The following MGAM variants were observed in gnomAD, a reference collection of about 807,000 sequenced individuals.
MGAM encodes alpha-1,4-glucosidase.
Under a neutral mutation model 358.8 loss-of-function variants are expected in MGAM, and 253 were observed. The observed-to-expected ratio is 0.71, with a 90% CI of 0.64 to 0.78. MGAM has a LOEUF of 0.78. Among genes scored for constraint, MGAM ranks in the 30% least tolerant of loss-of-function variants. MGAM has a pLI of 0.00. For missense variants in MGAM, 3,080 were observed against 3,432.6 expected, an observed-to-expected ratio of 0.90 and a Z score of 2.57; for synonymous variants, 1,105 against 1,227.1, an observed-to-expected ratio of 0.90 and a Z score of 2.08.
At chr7:142,041,724 T>C (rs1473648105) in intron 21 of MGAM, among the ~76,000 whole-genome samples, 2 of 149,948 alleles carry the variant, frequency 1.3e-5, no homozygotes, top group Non-Finnish European at 3.0e-5. Flanking sequence ...ATTTGGGCTT[T>C]TGCACTTATC....
At chr7:142,015,073 G>A (rs1554455596) in intron 3 of MGAM, among the ~76,000 whole-genome samples, 1 of 152,056 alleles carries the variant, frequency 6.6e-6, no homozygotes, top group African/African-American at 2.4e-5. Flanking sequence ...GGAATTGACA[G>A]TCTTTTAAAG....
Position 142,020,985 on chromosome 7 carries a change from C to G in MGAM, c.460C>G (p.Arg154Gly). Residue 154 changes from arginine (R) to glycine (G), a missense_variant, in exon 5 of 71, where the codon CGG (arginine) becomes GGG (glycine). By Grantham distance (125) the Arg-to-Gly change is moderately radical. Coordinates refer to ENST00000475668, the MANE Select transcript of MGAM (RefSeq NM_001365693.1). The stretch of plus-strand genomic sequence containing the variant: ...TTCTCCTATGTTAGGATTCACAGCC[C>G]GGTTGAAAAATCTGCCTTCTTCACC... ...LVNTNAGFTA[R>G]LKNLPSSPVF... 6.2e-7 allele frequency: 1 copy of G among 1,611,930 alleles called. No individual in the cohort carries two copies. The highest frequency in any genetic ancestry group is 8.5e-7 in the Non-Finnish European group (1 of 1,178,558).
intron 44 of MGAM, among the ~76,000 whole-genome samples, chr7:142,071,564 C>T (rs866886778): frequency 6.8e-6 from 1 of 146,258 alleles, no homozygotes; most frequent in Non-Finnish European, 1.5e-5. Flanking sequence ...CATTTTAGCA[C>T]CAGAACTCTC....
At chr7:142,088,652 G>T (rs1443944471) in intron 57 of MGAM, among the ~76,000 whole-genome samples, 2 of 114,776 alleles carry the variant, frequency 1.7e-5, no homozygotes, top group South Asian at 6.2e-4. Flanking sequence ...CTTTCTATCT[G>T]TCTGTCTATC....
chr7:142,005,656 AG>A lies in MGAM; in HGVS notation c.127+1del. The A allele has an allele frequency of 1.9e-6, 3 of 1,601,322 alleles. No individual in the cohort carries two copies. Among genetic ancestry groups the A allele is most frequent in the Non-Finnish European group, 2.6e-6 (3 of 1,173,422 alleles). On this transcript the variant is annotated frameshift_variant and splice_region_variant, in exon 2 of 71. Transcript: ENST00000475668. LOFTEE classifies it high-confidence loss of function. ...TAGCCAAAGAGTCACTGAAATCAAC[AG>A]GTAAGAAGTAACTCTGGGGCTCTCT... The part of the protein sequence containing the change: ...LLAKESLKST[A>X]PDPGTTGTPD...
Position 142,054,760 on chromosome 7 carries a change from G to T in MGAM, c.3166G>T (p.Asp1056Tyr), listed in dbSNP as rs1219135693. 1.9e-6 allele frequency: 3 copies of T among 1,613,704 alleles called. No homozygotes were observed. Among genetic ancestry groups the T allele is most frequent in the African/African-American group, 1.3e-5 (1 of 74,910 alleles). The change falls in exon 27 of 71, where the codon GAT becomes TAT. Residue 1056 changes from aspartate (D) to tyrosine (Y), a missense_variant. Coordinates refer to ENST00000475668, the MANE Select transcript of MGAM (RefSeq NM_001365693.1). The stretch of plus-strand genomic sequence containing the variant: ...TTGATTTCCTCTGGCCTAGATTTAT[G>T]ATCCCAACAAGAATCGGTATGAAGT... ...KNEMLQFKIY[D>Y]PNKNRYEVPV...
At chr7:142,058,104 G>C (rs780733796) in intron 30 of MGAM, 99 bp from the exon 31 acceptor site, 3 of 1,562,338 alleles carry the variant, frequency 1.9e-6, no homozygotes, top group Non-Finnish European at 2.6e-6. Flanking sequence ...TTAGTTAGTT[G>C]TCTAGCTTGG....
intron 1 of MGAM, among the ~76,000 whole-genome samples, chr7:141,998,584 A>G (rs1804468662): frequency 1.3e-5 from 2 of 152,044 alleles, no homozygotes; most frequent in African/African-American, 2.4e-5. Flanking sequence ...AAGGACATGA[A>G]CTCATCCTTT....
At chr7:142,020,603 AT>A (rs35169560) in intron 4 of MGAM, among the ~76,000 whole-genome samples, 1,640 of 132,552 alleles carry the variant, frequency 0.012, 23 homozygotes, top group South Asian at 0.052. Context: ...ATATATATAT[AT>A]TTTTTTTTTT....
intron 61 of MGAM, 25 bp downstream of exon 61, chr7:142,094,522 G>A: frequency 6.4e-7 from 1 of 1,553,828 alleles, no homozygotes; most frequent in South Asian, 1.1e-5. Context: ...CCCAGGGCCT[G>A]TGCCGGTAGG....
intron 19 of MGAM, among the ~76,000 whole-genome samples, chr7:142,039,870 G>A (rs931540532): frequency 1.3e-5 from 2 of 152,122 alleles, no homozygotes; most frequent in Non-Finnish European, 2.9e-5. Context: ...AAGCTGGAAT[G>A]TTTGTCACCA....
intron 21 of MGAM, among the ~76,000 whole-genome samples, chr7:142,042,009 A>AATATAATATATATATATTATATAC (rs1808794578): frequency 6.2e-5 from 1 of 16,124 alleles, no homozygotes; most frequent in South Asian, 1.8e-3. Flanking sequence ...TTATATATAT[A>AATATAATATATATATATTATATAC]ATATAATATA....
chr7:141,994,040 T>C (rs1303650945), upstream of MGAM, among the ~76,000 whole-genome samples: 3 of 152,166 alleles, frequency 2.0e-5, no homozygotes, highest in Non-Finnish European at 4.4e-5. Flanking sequence ...CATGCCCGGC[T>C]AATTTTCGTA....
At chr7:141,990,035 G>A (rs1803876362) in intron 2 of MGAM, among the ~76,000 whole-genome samples, 1 of 152,170 alleles carries the variant, frequency 6.6e-6, no homozygotes, top group South Asian at 2.1e-4. Flanking sequence ...CATTCAGAAT[G>A]GGCTCTTCAT....
chr7:142,095,874 G>A (rs1815860057), intron 64 of MGAM, 161 bp downstream of exon 64: 13 of 1,092,140 alleles, frequency 1.2e-5, no homozygotes, highest in African/African-American at 1.6e-5. Flanking sequence ...TGCTATACAT[G>A]CCTTAGGTCA....
intron 57 of MGAM, among the ~76,000 whole-genome samples, chr7:142,087,069 C>T (rs1433244528): frequency 9.5e-6 from 1 of 105,060 alleles, no homozygotes; most frequent in Non-Finnish European, 2.2e-5. Context: ...CATCTTTTCT[C>T]TGAACTGGTA....
At chr7:142,019,084 C>A in intron 3 of MGAM, 115 bp from the exon 4 acceptor site, 1 of 1,275,424 alleles carries the variant, frequency 7.8e-7, no homozygotes. Context: ...TGTCAGTTTC[C>A]TTATTTGTAA....
At chr7:142,086,084 T>G (rs1347592276) in intron 55 of MGAM, 123 bp downstream of exon 55, 2 of 1,462,266 alleles carry the variant, frequency 1.4e-6, no homozygotes, top group African/African-American at 1.4e-5. Flanking sequence ...GAAATGTGTA[T>G]TTCCCTGGAC....
chr7:141,991,147 G>A (rs142072990), upstream of MGAM, among the ~76,000 whole-genome samples: 159 of 152,276 alleles, frequency 1.0e-3, no homozygotes, highest in African/African-American at 2.4e-3. Flanking sequence ...TAACAGTACC[G>A]ACTGCATAGC....
Sources: allele counts gnomAD v4.1 joint callset (sites outside exome capture counted in the v4.1 genomes callset), GRCh38; gene constraint gnomAD v4.1.1; transcripts MANE v1.5; gene names NCBI Gene and HGNC (gene_info 2026-07-23, HGNC 2026-07-21).